The following CCDC148 variants were observed in gnomAD, a reference collection of about 807,000 sequenced individuals.
CCDC148 encodes coiled-coil domain containing 148, also known as coiled-coil domain-containing protein 148.
CCDC148 carries 89 observed loss-of-function variants against 85.7 expected under a neutral mutation model. That is an observed-to-expected ratio of 1.04 (90% confidence interval 0.87 to 1.24). The LOEUF (loss-of-function observed/expected upper bound fraction) is 1.24. Among genes scored for constraint, CCDC148 ranks in the 50% most tolerant of loss-of-function variants. The pLI is 0.00. For synonymous variants in CCDC148, 230 were observed against 213.9 expected (o/e 1.08, Z -0.66); for missense variants, 692 against 671.7 (o/e 1.03, Z -0.33).
rs1379713295 is a variant in CCDC148 at position 158,418,415 on chromosome 2, G to A, written c.25+38000C>T. ...GAAGAAACTGAAGGAAAAATTAAAT[G>A]TATTTAAAATCCTCAAGGGCTGGCC... On this transcript the variant is annotated intron_variant, in intron 1 of 13. Coordinates refer to ENST00000283233, the MANE Select transcript of CCDC148 (RefSeq NM_138803.4). 2.6e-5 allele frequency among the ~76,000 whole-genome samples: 4 copies of A among 152,198 alleles called. No individual in the cohort carries two copies. In the South Asian group the frequency reaches 6.2e-4, roughly 24 times the overall value.
chr2:158,236,731 T>C (rs1014122939), intron 10 of CCDC148, among the ~76,000 whole-genome samples: 1 of 152,206 alleles, frequency 6.6e-6, no homozygotes, highest in Admixed American at 6.5e-5. Flanking sequence ...CAGCTTGGCA[T>C]GCTTTCCTCT....
At chr2:158,282,876 C>G (rs1256574270) in intron 9 of CCDC148, among the ~76,000 whole-genome samples, 2 of 152,208 alleles carry the variant, frequency 1.3e-5, no homozygotes, top group Admixed American at 6.5e-5. Flanking sequence ...TGACTTTAAA[C>G]TACACTACAA....
In CCDC148 at chr2:158,173,713, G is replaced by A. The variant is rs191855167; in HGVS notation, c.1630-1454C>T. ...TAATACAGAGATTTGTGTCTGAGAAGCAATAAATATGAGCCTAAGACCCAG... is the reference window on the plus strand; with the variant it reads ...TAATACAGAGATTTGTGTCTGAGAAACAATAAATATGAGCCTAAGACCCAG... On this transcript the variant is annotated intron_variant, in intron 13 of 13. Coordinates refer to ENST00000283233, the MANE Select transcript of CCDC148 (RefSeq NM_138803.4). Among the ~76,000 whole-genome samples, 8 of 152,082 alleles carry A rather than the reference G, an allele frequency of 5.3e-5. No homozygotes were observed. In the East Asian group the frequency reaches 1.4e-3, roughly 26 times the overall value.
intron 4 of CCDC148, 49 bp from the exon 5 acceptor site, chr2:158,340,442 G>T: frequency 1.3e-6 from 2 of 1,589,466 alleles, no homozygotes; most frequent in Non-Finnish European, 1.7e-6. Flanking sequence ...TATTTTAAGT[G>T]TCTCCAAAAA....
In CCDC148 at chr2:158,452,351, G is replaced by A. The variant is rs186536872; in HGVS notation, c.25+4064C>T. Among the ~76,000 whole-genome samples the A allele has an allele frequency of 5.9e-5, 9 of 152,252 alleles. No individual in the cohort carries two copies. The East Asian group carries it at 1.2e-3, about 20-fold the overall frequency. On this transcript the variant is annotated intron_variant, in intron 1 of 13. Transcript: ENST00000283233. ...AGTAAGGTGTGTTATATGCATAAGC[G>A]TCCTCAAGAGATATTTCCAAGTAGA...
intron 9 of CCDC148, among the ~76,000 whole-genome samples, chr2:158,285,171 C>T (rs1690557971): frequency 1.3e-5 from 2 of 151,526 alleles, no homozygotes; most frequent in South Asian, 2.1e-4. Context: ...GCCTGTAATC[C>T]CAGCAACTCA....
intron 7 of CCDC148, among the ~76,000 whole-genome samples, chr2:158,325,088 G>GAAAA (rs58238350): frequency 7.0e-6 from 1 of 143,100 alleles, no homozygotes; most frequent in Admixed American, 7.0e-5. Flanking sequence ...TCTCCTATTT[G>GAAAA]AAAAAAAAAA....
intron 13 of CCDC148, 108 bp from the exon 14 acceptor site, chr2:158,172,367 C>G: frequency 7.6e-6 from 6 of 793,020 alleles, no homozygotes; most frequent in Non-Finnish European, 1.2e-5. Flanking sequence ...GGACAGATGA[C>G]TAGGTGACAG....
At chr2:158,454,838 TAAAC>T (rs967054675) in intron 1 of CCDC148, among the ~76,000 whole-genome samples, 2 of 152,130 alleles carry the variant, frequency 1.3e-5, no homozygotes, top group Admixed American at 6.5e-5. Context: ...AATACAAAAA[TAAAC>T]AAAAAAATTA....
intron 5 of CCDC148, 35 bp from the exon 6 acceptor site, chr2:158,339,120 A>T: frequency 7.6e-7 from 1 of 1,321,390 alleles, no homozygotes; most frequent in Non-Finnish European, 1.1e-6. Context: ...TAGGCAAATT[A>T]TTGCAATTCA....
At chr2:158,279,687 G>A (rs1396433647) in intron 9 of CCDC148, among the ~76,000 whole-genome samples, 1 of 152,210 alleles carries the variant, frequency 6.6e-6, no homozygotes, top group Non-Finnish European at 1.5e-5. Flanking sequence ...ATGGAACCAA[G>A]TTGAAAAACA....
chr2:158,263,617 C>T (rs755463489), intron 9 of CCDC148, among the ~76,000 whole-genome samples: 108 of 152,064 alleles, frequency 7.1e-4, no homozygotes, highest in Non-Finnish European at 1.1e-3. Context: ...TTCTGCTGAG[C>T]CTTAAGTTTA....
chr2:158,217,911 C>G (rs889239363), intron 11 of CCDC148, among the ~76,000 whole-genome samples: 1 of 152,060 alleles, frequency 6.6e-6, no homozygotes, highest in Non-Finnish European at 1.5e-5. Flanking sequence ...TTCAGTAGTA[C>G]AGAAAAATGT....
chr2:158,235,771 A>C (rs968148284), intron 10 of CCDC148: 6 of 152,354 alleles, frequency 3.9e-5, no homozygotes, highest in African/African-American at 1.4e-4. Context: ...GTTAAGAAGA[A>C]TGTAATAAGC....
intron 1 of CCDC148, among the ~76,000 whole-genome samples, chr2:158,364,989 T>C (rs1373685059): frequency 1.3e-5 from 2 of 152,026 alleles, no homozygotes; most frequent in Non-Finnish European, 2.9e-5. Context: ...CATCAAAAAG[T>C]GGGTGAAGGA....
chr2:158,352,236 G>C (rs909818184), intron 2 of CCDC148, among the ~76,000 whole-genome samples: 9 of 150,806 alleles, frequency 6.0e-5, no homozygotes, highest in African/African-American at 9.8e-5. Context: ...GAATGACTTT[G>C]ACGAGCTGAG....
intron 1 of CCDC148, among the ~76,000 whole-genome samples, chr2:158,409,795 C>G (rs888526558): frequency 1.3e-5 from 2 of 152,152 alleles, no homozygotes; most frequent in African/African-American, 4.8e-5. Flanking sequence ...CCACCCATAT[C>G]TCATCTTGAA....
intron 6 of CCDC148, 40 bp downstream of exon 6, chr2:158,338,950 A>G: frequency 6.3e-7 from 1 of 1,599,906 alleles, no homozygotes; most frequent in Middle Eastern, 1.7e-4. Context: ...ATAAACGACA[A>G]ATTGATAAAC....
At chr2:158,344,062 CT>C (rs1574657269) in intron 3 of CCDC148, among the ~76,000 whole-genome samples, 1 of 152,046 alleles carries the variant, frequency 6.6e-6, no homozygotes, top group East Asian at 1.9e-4. Context: ...AAACAAAAAA[CT>C]TTACCAAGTG....
Sources: gnomAD v4.1 joint callset for allele counts (sites outside exome capture counted in the v4.1 genomes callset) on GRCh38, gnomAD v4.1.1 for gene constraint, MANE v1.5 for transcripts, NCBI Gene and HGNC (gene_info 2026-07-23, HGNC 2026-07-21) for gene names.